DNAI3: variants seen among roughly 807,000 people sequenced by gnomAD.
DNAI3 encodes dynein axonemal intermediate chain 3.
A neutral mutation model predicts 115.5 loss-of-function variants in DNAI3; 83 were observed. The ratio of observed to expected loss-of-function variants is 0.72; its 90% CI spans 0.60 to 0.86. The LOEUF is 0.86. DNAI3 is among the 40% of genes least tolerant of loss of function. The pLI, the probability that DNAI3 is intolerant of heterozygous loss-of-function variation, is 0.00. For missense variants in DNAI3, 1,004 were observed against 1,075.8 expected, an observed-to-expected ratio of 0.93 and a Z score of 0.93; for synonymous variants, 320 against 347.0, an observed-to-expected ratio of 0.92 and a Z score of 0.86.
chr1:85,105,199 G>C (rs709774), intron 14 of DNAI3, among the ~76,000 whole-genome samples: 87 of 152,184 alleles, frequency 5.7e-4, no homozygotes, highest in Admixed American at 9.8e-4. Flanking sequence ...ACAGAAAAAG[G>C]TGTGGAGTGG....
chr1:85,110,581 C>G (rs981644652), intron 16 of DNAI3, among the ~76,000 whole-genome samples: 6 of 152,036 alleles, frequency 3.9e-5, no homozygotes, highest in African/African-American at 1.4e-4. Context: ...ATCAAACCCT[C>G]CAATGTGGAA....
intron 1 of DNAI3, among the ~76,000 whole-genome samples, chr1:85,068,714 C>A (rs1654172830): frequency 6.6e-6 from 1 of 152,150 alleles, no homozygotes; most frequent in East Asian, 1.9e-4. Context: ...ATAGCTGTTT[C>A]CAATTATATC....
At chr1:85,132,225 T>C (rs1164538224) in intron 22 of DNAI3, among the ~76,000 whole-genome samples, 1 of 152,228 alleles carries the variant, frequency 6.6e-6, no homozygotes, top group Non-Finnish European at 1.5e-5. Flanking sequence ...ACTTAGCCAA[T>C]AACTGGCACA....
Position 85,108,093 on chromosome 1 carries a change from AAAG to A in DNAI3, c.1618_1620del (p.Lys540del), listed in dbSNP as rs753284240. ...CTTTAACCCCCCAAACAACAGAGAA[AAAG>A]AAGGAGGAAAGTATTGAAATTCCTT... On this transcript the variant is annotated inframe_deletion, in exon 15 of 23. Transcript: ENST00000294664. 5.0e-6 allele frequency: 8 copies of A among 1,610,428 alleles called. No individual in the cohort carries two copies. Among genetic ancestry groups the A allele is most frequent in the Middle Eastern group, 1.6e-4 (1 of 6,066 alleles).
chr1:85,108,172 A>G lies in DNAI3; in HGVS notation c.1693A>G (p.Thr565Ala). 2 of 1,593,062 alleles carry G rather than the reference A, an allele frequency of 1.3e-6. No individual in the cohort carries two copies. Among genetic ancestry groups the G allele is most frequent in the Non-Finnish European group, 1.7e-6 (2 of 1,173,478 alleles). The stretch of plus-strand genomic sequence containing the variant: ...TCTGGATCTCTCCTGGAAACCTCTC[A>G]CTAAGGTAAGTAATGTGGGGTTTTT... ...LHLDLSWKPL[T>A]KVRLSKGETS... Residue 565 changes from threonine to alanine, a missense_variant, in exon 15 of 23, where the codon ACT (threonine) becomes GCT (alanine). This residue lies in a region of DNAI3 where 429 missense variants were observed against 454.3 expected (regional missense o/e 0.94). Coordinates refer to ENST00000294664, the MANE Select transcript of DNAI3 (RefSeq NM_145172.5).
At chr1:85,071,821 T>C in intron 1 of DNAI3, 107 bp from the exon 2 acceptor site, 1 of 1,166,820 alleles carries the variant, frequency 8.6e-7, no homozygotes, top group African/African-American at 1.6e-5. Context: ...AGGGTAAATC[T>C]TAGAAAACAT....
In DNAI3 at chr1:85,126,655, G is replaced by A. The variant is rs776720970; in HGVS notation, c.2257G>A (p.Ala753Thr). ...CCTTCTGGAGAAAACCCATGAACCA[G>A]CCCAGTCTCAAAACATTTGCATAAC... ...WDLLEKTHEPAQSQNICITMI... is the reference protein window; with the variant it reads ...WDLLEKTHEPTQSQNICITMI... The change falls in exon 20 of 23, where the codon GCC becomes ACC. Residue 753 changes from alanine to threonine, a missense_variant. By Grantham distance (58) the Ala-to-Thr change is moderately conservative. Coordinates refer to ENST00000294664, the MANE Select transcript of DNAI3 (RefSeq NM_145172.5). 5.6e-6 allele frequency: 9 copies of A among 1,613,950 alleles called. No homozygotes were observed. Among genetic ancestry groups the A allele is most frequent in the Admixed American group, 5.0e-5 (3 of 59,982 alleles).
At chr1:85,095,795 T>C (rs1655105189) in intron 10 of DNAI3, 136 bp from the exon 11 acceptor site, 3 of 792,692 alleles carry the variant, frequency 3.8e-6, no homozygotes, top group Non-Finnish European at 6.1e-6. Flanking sequence ...GAGGCAGAAC[T>C]CTGAGAATAG....
At chr1:85,085,379 A>C (rs909721788) in intron 6 of DNAI3, among the ~76,000 whole-genome samples, 3 of 152,194 alleles carry the variant, frequency 2.0e-5, no homozygotes, top group Non-Finnish European at 4.4e-5. Flanking sequence ...GTGGTTTATT[A>C]GGAAAGTGCC....
chr1:85,130,100 A>G lies in DNAI3; in HGVS notation c.2520A>G (p.Ala840=). Residue 840 remains alanine (A), a synonymous_variant, in exon 22 of 23, where the codon GCA becomes GCG. Coordinates refer to ENST00000294664, the MANE Select transcript of DNAI3 (RefSeq NM_145172.5). ...QEKKEMELEM[A]KKKVKTYQKS... is the part of the protein sequence containing the mutation. ...AGAAAGAAATGGAACTAGAAATGGC[A>G]AAGAAAAAAGTTGTAAGTTAAATTT... is the stretch of plus-strand genomic sequence containing the variant. The G allele has an allele frequency of 6.2e-7, 1 of 1,613,804 alleles. No individual in the cohort carries two copies. Among genetic ancestry groups the G allele is most frequent in the East Asian group, 2.2e-5 (1 of 44,874 alleles).
At chr1:85,099,433 CT>C (rs1655221091) in intron 13 of DNAI3, 1 of 223,486 alleles carries the variant, frequency 4.5e-6, no homozygotes, top group African/African-American at 2.3e-5. Context: ...AGTGAAGGAC[CT>C]CTTCAAGGAG....
intron 17 of DNAI3, among the ~76,000 whole-genome samples, chr1:85,120,685 ATCCGTG>A (rs1655971246): frequency 6.6e-6 from 1 of 152,210 alleles, no homozygotes; most frequent in African/African-American, 2.4e-5. Flanking sequence ...AAGAAGTGGT[ATCCGTG>A]AGGGTGATGT....
intron 14 of DNAI3, among the ~76,000 whole-genome samples, chr1:85,105,715 G>A (rs925998914): frequency 6.6e-6 from 1 of 152,106 alleles, no homozygotes; most frequent in Non-Finnish European, 1.5e-5. Context: ...CTTGGGCCTT[G>A]GAAACAGCCC....
At chr1:85,081,588 G>C (rs1221534115) in intron 4 of DNAI3, among the ~76,000 whole-genome samples, 173 bp downstream of exon 4, 1 of 152,136 alleles carries the variant, frequency 6.6e-6, no homozygotes, top group African/African-American at 2.4e-5. Flanking sequence ...GAAAAGCAAA[G>C]TTCCATCAAT....
At chr1:85,124,561 C>G (rs920962510) in intron 19 of DNAI3, among the ~76,000 whole-genome samples, 2 of 152,068 alleles carry the variant, frequency 1.3e-5, no homozygotes, top group Non-Finnish European at 2.9e-5. Flanking sequence ...GCCAAGGTCT[C>G]ACTGTGTGGT....
intron 5 of DNAI3, among the ~76,000 whole-genome samples, chr1:85,084,156 A>AGT (rs1654714901): frequency 1.9e-5 from 2 of 104,098 alleles, no homozygotes; most frequent in East Asian, 2.5e-4. Flanking sequence ...ATAAAGCAGC[A>AGT]GTGTGTGTAT....
intron 1 of DNAI3, among the ~76,000 whole-genome samples, chr1:85,066,314 CTTTTTTTTTTTTT>C (rs57553075): frequency 2.6e-4 from 18 of 70,014 alleles, no homozygotes; most frequent in Admixed American, 9.4e-4. Context: ...TTCTGCTACT[CTTTTTTTTTTTTT>C]TTTTTTTTTT....
At chr1:85,101,696 C>A (rs1422302420) in intron 13 of DNAI3, among the ~76,000 whole-genome samples, 3 of 123,752 alleles carry the variant, frequency 2.4e-5, no homozygotes, top group African/African-American at 6.4e-5. Context: ...CCACTGCACT[C>A]CAGCCTGGGC....
At chr1:85,130,169 T>C (rs1052555366) in intron 22 of DNAI3, 57 bp downstream of exon 22, 14 of 1,604,552 alleles carry the variant, frequency 8.7e-6, no homozygotes, top group Non-Finnish European at 1.0e-5. Context: ...GGAAATATAT[T>C]TGTTTGGCTT....
Sources: allele counts gnomAD v4.1 joint callset (sites outside exome capture counted in the v4.1 genomes callset), GRCh38; gene constraint gnomAD v4.1.1; regional missense constraint gnomAD v4.1.1; transcripts MANE v1.5; gene names NCBI Gene and HGNC (gene_info 2026-07-23, HGNC 2026-07-21).